Variants in KIF2A observed in about 807,000 individuals in gnomAD.
The protein encoded by KIF2A is kinesin family member 2A.
KIF2A carries 22 observed loss-of-function variants against 100.2 expected under a neutral mutation model. The ratio of observed to expected loss-of-function variants is 0.22; its 90% confidence interval spans 0.16 to 0.31. The LOEUF is 0.31. KIF2A is among the 10% of genes least tolerant of loss of function. The probability of loss-of-function intolerance (pLI) is 1.00; values close to 1 mark genes in which losing one functional copy is unlikely to be tolerated. For missense variants in KIF2A, 495 were observed against 898.7 expected (o/e 0.55, Z 5.74); for synonymous variants, 268 against 285.9 (o/e 0.94, Z 0.63).
intron 9 of KIF2A, among the ~76,000 whole-genome samples, chr5:62,359,076 T>A (rs1249303349): frequency 6.6e-6 from 1 of 152,250 alleles, no homozygotes; most frequent in African/African-American, 2.4e-5. Flanking sequence ...AAATTTGTCA[T>A]CTTTAAGCTT....
intron 1 of KIF2A, among the ~76,000 whole-genome samples, chr5:62,329,780 TTATAA>T (rs1746545290): frequency 6.6e-6 from 1 of 152,222 alleles, no homozygotes; most frequent in African/African-American, 2.4e-5. Flanking sequence ...TATGATAAAA[TTATAA>T]TATAGACATT....
intron 1 of KIF2A, among the ~76,000 whole-genome samples, chr5:62,323,180 C>T (rs558916389): frequency 7.9e-5 from 12 of 150,974 alleles, no homozygotes; most frequent in East Asian, 7.8e-4. Flanking sequence ...CGCTTGAACC[C>T]GTGAGGTGGA....
chr5:62,358,370 T>C (rs1561271545), intron 9 of KIF2A, 71 bp downstream of exon 9: 3 of 984,084 alleles, frequency 3.0e-6, no homozygotes, highest in Non-Finnish European at 1.5e-6. Context: ...GAAATTTACA[T>C]TGATTGTGGG....
rs1203662579 is a variant in KIF2A, at chr5:62,389,132, T to C, written c.*3563T>C. On this transcript the variant is annotated 3_prime_UTR_variant, in exon 21 of 21. Transcript: ENST00000407818. ...ACGGTATATAGTTCTATACCATTAA[T>C]ACTAAAACATGAATACAGCATGCTT... is the stretch of plus-strand genomic sequence containing the variant. 11 of 1,207,568 alleles carry C rather than the reference T, an allele frequency of 9.1e-6. No individual in the cohort carries two copies. The highest frequency in any genetic ancestry group is 1.3e-5 in the Non-Finnish European group (11 of 840,974). 74.8% of individuals were successfully genotyped at this position (1,207,568 alleles called of 1,614,324 possible).
rs138676388 is a variant in KIF2A at position 62,375,097 on chromosome 5, T to C, written c.1911+1260T>C. Among the ~76,000 whole-genome samples, 10 of 152,354 alleles carry C rather than the reference T, an allele frequency of 6.6e-5. No individual in the cohort carries two copies. In the East Asian group the frequency reaches 1.7e-3, roughly 26 times the overall value. On this transcript the variant is annotated intron_variant, in intron 18 of 20. Transcript: ENST00000407818. Reference sequence around the variant, plus strand: ...AATGATACTTTATAATTTAAATTTTTGATTTCCCAATTATAAAAATAAATA... The same window carrying C: ...AATGATACTTTATAATTTAAATTTTCGATTTCCCAATTATAAAAATAAATA...
intron 18 of KIF2A, 141 bp from the exon 19 acceptor site, chr5:62,377,520 C>T (rs1741601630): frequency 2.3e-6 from 1 of 427,534 alleles, no homozygotes. Context: ...CGTGGCTTTG[C>T]CTTTTATATA....
chr5:62,355,597 G>T (rs532960079), intron 7 of KIF2A, among the ~76,000 whole-genome samples: 5 of 152,200 alleles, frequency 3.3e-5, no homozygotes, highest in Non-Finnish European at 7.4e-5. Context: ...GCTTATCTTT[G>T]TCTTGGGCTG....
At chr5:62,374,267 C>G (rs1350296642) in intron 18 of KIF2A, among the ~76,000 whole-genome samples, 1 of 152,092 alleles carries the variant, frequency 6.6e-6, no homozygotes, top group Non-Finnish European at 1.5e-5. Flanking sequence ...TGTGGGCCAG[C>G]CATCTATTTT....
rs1289574174 is a variant in KIF2A, at chr5:62,329,346, G to A, written c.65-17784G>A. On this transcript the variant is annotated intron_variant, in intron 1 of 20. Transcript: ENST00000407818. ...TTATGTCCTTCTCTAATGGCTTCTT[G>A]TTCCACTAAAGCTATTGAAGAAGGT... is the stretch of plus-strand genomic sequence containing the variant. Among the ~76,000 whole-genome samples, 5 of 152,284 alleles carry A rather than the reference G, an allele frequency of 3.3e-5. No individual in the cohort carries two copies. The South Asian group carries it at 6.2e-4, about 19-fold the overall frequency.
chr5:62,363,616 GT>G, intron 13 of KIF2A, 78 bp from the exon 14 acceptor site: 1 of 1,282,312 alleles, frequency 7.8e-7, no homozygotes, highest in Non-Finnish European at 1.1e-6. Context: ...TGCTGCTGTT[GT>G]TTTTAATGAA....
rs1742124616 is a variant in KIF2A, at chr5:62,388,100, T to TGACA, written c.*2533_*2536dup. On this transcript the variant is annotated 3_prime_UTR_variant, in exon 21 of 21. Coordinates refer to ENST00000407818, the MANE Select transcript of KIF2A (RefSeq NM_001098511.3). ...ATGACATCTATTGAAATTCTCAGTC[T>TGACA]GACAGTTTTAAAATAGCTTAAAACT... is the stretch of plus-strand genomic sequence containing the variant. The TGACA allele has an allele frequency of 6.6e-5, 10 of 152,304 alleles. No homozygotes were observed. The South Asian group carries it at 2.1e-3, about 32-fold the overall frequency. The allele number at this position is 152,304 out of a possible 1,614,324, so 9.4% of individuals were successfully genotyped here. A position where few individuals can be genotyped will look rare whatever the true frequency, so the allele number is the denominator to read the frequency against.
intron 3 of KIF2A, among the ~76,000 whole-genome samples, chr5:62,348,598 C>T (rs564306833): frequency 6.6e-6 from 1 of 152,296 alleles, no homozygotes; most frequent in Admixed American, 6.5e-5. Context: ...GTGTAGTTCA[C>T]TTCTATATTG....
intron 7 of KIF2A, among the ~76,000 whole-genome samples, chr5:62,357,426 G>C (rs970664512): frequency 2.6e-5 from 4 of 152,124 alleles, no homozygotes; most frequent in African/African-American, 9.7e-5. Context: ...ACTAACAATA[G>C]TAGTACCCTC....
rs747931472 is a variant in KIF2A, at chr5:62,377,560, C to A, written c.1912-101C>A. 29 of 588,052 alleles carry A rather than the reference C, an allele frequency of 4.9e-5. 1 individual carries two copies. Among genetic ancestry groups the A allele is most frequent in the South Asian group, 3.3e-4 (9 of 27,440 alleles). 36.4% of individuals were successfully genotyped at this position (588,052 alleles called of 1,614,324 possible). A position where few individuals can be genotyped will look rare whatever the true frequency, so the allele number is the denominator to read the frequency against. ...TTACTAGCCTTTACCATTCAAGCCTCTTCAATTTCTAAATGATATTTTTCT... is the reference window on the plus strand; with the variant it reads ...TTACTAGCCTTTACCATTCAAGCCTATTCAATTTCTAAATGATATTTTTCT... On this transcript the variant is annotated intron_variant, in intron 18 of 20. Transcript: ENST00000407818.
chr5:62,379,595 G>A (rs1242393701), intron 19 of KIF2A, among the ~76,000 whole-genome samples: 1 of 151,840 alleles, frequency 6.6e-6, no homozygotes, highest in Non-Finnish European at 1.5e-5. Flanking sequence ...CCAGCAGGCG[G>A]AGGTTGCAGT....
chr5:62,320,649 A>G (rs1580005723), intron 1 of KIF2A, among the ~76,000 whole-genome samples: 1 of 152,068 alleles, frequency 6.6e-6, no homozygotes, highest in Non-Finnish European at 1.5e-5. Context: ...AATAGAAAAC[A>G]CCTAAGTTCT....
intron 16 of KIF2A, among the ~76,000 whole-genome samples, chr5:62,366,825 C>T (rs868763763): frequency 3.6e-4 from 53 of 146,682 alleles, no homozygotes; most frequent in Middle Eastern, 7.0e-3. Flanking sequence ...AGTGAGACTC[C>T]GTCTCAAAAA....
intron 14 of KIF2A, 73 bp downstream of exon 14, chr5:62,363,972 A>G: frequency 8.6e-7 from 1 of 1,156,454 alleles, no homozygotes; most frequent in Non-Finnish European, 1.2e-6. Flanking sequence ...GTTGCAAAAT[A>G]GTAGTACTTG....
rs142362782 is a variant in KIF2A at position 62,325,863 on chromosome 5, T to C, written c.64+19327T>C. 3.1e-3 allele frequency among the ~76,000 whole-genome samples: 471 copies of C among 152,314 alleles called. 6 individuals carry two copies. Among genetic ancestry groups the C allele is most frequent in the East Asian group, 0.012 (60 of 5,188 alleles). On this transcript the variant is annotated intron_variant, in intron 1 of 20. Transcript: ENST00000407818. ...ATGTTCATTGCAGTACAGTTTATAA[T>C]AGCAAAGACATGTAATCAACCTGGA...
Sources: allele counts gnomAD v4.1 joint callset (sites outside exome capture counted in the v4.1 genomes callset), GRCh38; gene constraint gnomAD v4.1.1; transcripts MANE v1.5; gene names NCBI Gene and HGNC (gene_info 2026-07-23, HGNC 2026-07-21).